ECT2: variants seen among roughly 807,000 people sequenced by gnomAD.
ECT2 encodes the protein epithelial cell transforming 2.
In ECT2, 61 loss-of-function variants were observed where a neutral mutation model predicts 116.9. The observed-to-expected ratio is 0.52, with a 90% confidence interval of 0.42 to 0.65. The LOEUF (loss-of-function observed/expected upper bound fraction) is 0.65. ECT2 is among the 30% of genes least tolerant of loss of function. The pLI, the probability that ECT2 is intolerant of heterozygous loss-of-function variation, is 0.00. For missense variants in ECT2, 937 were observed against 1,078.7 expected, an observed-to-expected ratio of 0.87 and a Z score of 1.84; for synonymous variants, 358 against 346.4, an observed-to-expected ratio of 1.03 and a Z score of -0.37.
intron 12 of ECT2, among the ~76,000 whole-genome samples, chr3:172,766,055 A>G (rs1316135719): frequency 6.6e-6 from 1 of 152,238 alleles, no homozygotes; most frequent in Non-Finnish European, 1.5e-5. Flanking sequence ...TGCTTCAAAT[A>G]AGTAATCTTT....
intron 18 of ECT2, 123 bp from the exon 19 acceptor site, chr3:172,802,493 A>G (rs1476356900): frequency 1.7e-6 from 1 of 605,366 alleles, no homozygotes; most frequent in Non-Finnish European, 2.8e-6. Context: ...CTTTTAAGGA[A>G]TATTTTAACT....
At chr3:172,768,916 GT>G in intron 12 of ECT2, 90 bp from the exon 13 acceptor site, 1 of 1,385,220 alleles carries the variant, frequency 7.2e-7, no homozygotes, top group Non-Finnish European at 9.7e-7. Context: ...ATAAGAGTAG[GT>G]TTTCTCTCCT....
In ECT2 at chr3:172,805,775, T is replaced by C; in HGVS notation, c.2151T>C (p.Pro717=). Residue 717 remains proline, a synonymous_variant, in exon 21 of 25, where the codon CCT becomes CCC. Transcript: ENST00000392692. ...AGGTTATTGGCACTTTTAGGAGTCC[T>C]CATGGCCAAACCCGACCCCCAGCTT... ...RHKVIGTFRS[P]HGQTRPPASL... is the part of the protein sequence containing the mutation. The C allele has an allele frequency of 5.0e-6, 8 of 1,613,922 alleles. No individual in the cohort carries two copies. The highest frequency in any genetic ancestry group is 5.9e-6 in the Non-Finnish European group (7 of 1,179,882).
In ECT2 at chr3:172,786,532, G is replaced by A. The variant is rs565477429; in HGVS notation, c.1865G>A (p.Ser622Asn). ...KHTADENPDKSTLEKAIGSLK... is the reference protein window; with the variant it reads ...KHTADENPDKNTLEKAIGSLK... The stretch of plus-strand genomic sequence containing the variant: ...ACAGCTGATGAAAATCCAGACAAAA[G>A]CACTTTAGAAAAAGCTATTGGATCA... Residue 622 changes from serine (S) to asparagine (N), a missense_variant, in exon 18 of 25, where the codon AGC (serine) becomes AAC (asparagine). By Grantham distance (46) the Ser-to-Asn change is conservative. Transcript: ENST00000392692. The A allele has an allele frequency of 6.8e-6, 11 of 1,611,078 alleles. No homozygotes were observed. The African/African-American group carries it at 1.2e-4, about 18-fold the overall frequency.
In ECT2 at chr3:172,755,333, C is replaced by A; in HGVS notation, c.169C>A (p.Gln57Lys). 6.2e-7 allele frequency: 1 copy of A among 1,605,270 alleles called. No individual in the cohort carries two copies. Among genetic ancestry groups the A allele is most frequent in the South Asian group, 1.1e-5 (1 of 88,700 alleles). The stretch of plus-strand genomic sequence containing the variant: ...GATTGAAACAAGAGTGATATTGGTT[C>A]AAGAAGCTGGAAAACAAGAAGAACT... ...PQIETRVILV[Q>K]EAGKQEELIK... Residue 57 changes from glutamine to lysine, a missense_variant, in exon 3 of 25, where the codon CAA (glutamine) becomes AAA (lysine). Gln to Lys is a moderately conservative substitution (Grantham distance 53). Transcript: ENST00000392692.
chr3:172,785,517 TAA>T (rs200910980), intron 17 of ECT2, among the ~76,000 whole-genome samples: 1 of 133,618 alleles, frequency 7.5e-6, no homozygotes, highest in Non-Finnish European at 1.6e-5. Flanking sequence ...TAAAAATAAT[TAA>T]AAAAAAAAAA....
intron 14 of ECT2, among the ~76,000 whole-genome samples, chr3:172,777,975 A>T (rs1722038956): frequency 6.6e-6 from 1 of 152,190 alleles, no homozygotes; most frequent in African/African-American, 2.4e-5. Context: ...ATCTGTTGTT[A>T]TTTTAGCGTA....
chr3:172,798,967 T>G (rs1726231218), intron 18 of ECT2, among the ~76,000 whole-genome samples: 1 of 152,204 alleles, frequency 6.6e-6, no homozygotes, highest in Non-Finnish European at 1.5e-5. Context: ...CCCAGGAACC[T>G]TAAGACTGTA....
chr3:172,815,795 TATAAAG>T, intron 23 of ECT2, 84 bp downstream of exon 23: 2 of 863,428 alleles, frequency 2.3e-6, no homozygotes, highest in Non-Finnish European at 3.7e-6. Flanking sequence ...CAAACACCAG[TATAAAG>T]ATAGTTTATA....
chr3:172,797,311 A>G lies in ECT2; in HGVS notation c.1908-5305A>G, dbSNP rs78020338. 7.0e-3 allele frequency among the ~76,000 whole-genome samples: 1,071 copies of G among 152,168 alleles called. 3 individuals are homozygous for G. Among genetic ancestry groups the G allele is most frequent in the Non-Finnish European group, 0.012 (790 of 67,994 alleles). On this transcript the variant is annotated intron_variant, in intron 18 of 24. Coordinates refer to ENST00000392692, the MANE Select transcript of ECT2 (RefSeq NM_001258315.2). ...AGGTCTCCCAAAGTGCTGGGATTAC[A>G]AATGTAAGCCACCATGCCCTGCGGG... is the stretch of plus-strand genomic sequence containing the variant.
At chr3:172,756,150 C>G (rs192383971) in intron 4 of ECT2, among the ~76,000 whole-genome samples, 1 of 152,160 alleles carries the variant, frequency 6.6e-6, no homozygotes, top group Non-Finnish European at 1.5e-5. Flanking sequence ...AAGTCCTTAT[C>G]GCCAAATATA....
At chr3:172,828,334 C>CTGTGTG in the ECT2 span, among the ~76,000 whole-genome samples, 413 of 150,222 alleles carry the variant, frequency 2.7e-3, 2 homozygotes, top group African/African-American at 8.6e-3. Context: ...TACCAACAGG[C>CTGTGTG]TGTGTGTGTG....
intron 17 of ECT2, among the ~76,000 whole-genome samples, chr3:172,785,122 G>A (rs77910196): frequency 0.032 from 4,826 of 152,140 alleles, 163 homozygotes; most frequent in East Asian, 0.16. Context: ...AAAATCACAA[G>A]GAGAAGATAA....
chr3:172,820,065 A>G (rs1051407264), intron 24 of ECT2, 83 bp from the exon 25 acceptor site: 26 of 919,398 alleles, frequency 2.8e-5, no homozygotes, highest in Non-Finnish European at 2.1e-5. Flanking sequence ...AAATGTAAAA[A>G]TAATAGGCAT....
intron 16 of ECT2, among the ~76,000 whole-genome samples, 180 bp from the exon 17 acceptor site, chr3:172,784,527 C>G (rs1723271769): frequency 1.3e-5 from 2 of 151,994 alleles, no homozygotes; most frequent in Non-Finnish European, 2.9e-5. Flanking sequence ...ACTGGCTGGC[C>G]AAGAGGACAT....
chr3:172,784,703 T>A lies in ECT2; in HGVS notation c.1729-4T>A, dbSNP rs759332097. 6.2e-7 allele frequency: 1 copy of A among 1,612,284 alleles called. No individual in the cohort carries two copies. The highest frequency in any genetic ancestry group is 8.5e-7 in the Non-Finnish European group (1 of 1,178,394). ...TTTGAAATTGTTGAATAAATTGTTT[T>A]CAGATAAACCAAGCAAAACCAGAAT... On this transcript the variant is annotated splice_region_variant and splice_polypyrimidine_tract_variant and intron_variant, in intron 16 of 24. Coordinates refer to ENST00000392692, the MANE Select transcript of ECT2 (RefSeq NM_001258315.2).
intron 8 of ECT2, 50 bp from the exon 9 acceptor site, chr3:172,762,366 C>T (rs1395145140): frequency 1.3e-6 from 2 of 1,527,516 alleles, no homozygotes; most frequent in Non-Finnish European, 8.8e-7. Flanking sequence ...ATATACCTAA[C>T]ACTTGAATTT....
At chr3:172,826,209 A>G (rs906914966), downstream of ECT2, among the ~76,000 whole-genome samples, 4 of 152,302 alleles carry the variant, frequency 2.6e-5, no homozygotes, top group East Asian at 3.9e-4. Context: ...TAAGACTTTC[A>G]TAGCTAGACA....
chr3:172,780,080 T>A (rs894452643), intron 14 of ECT2, among the ~76,000 whole-genome samples: 2 of 152,150 alleles, frequency 1.3e-5, no homozygotes, highest in Non-Finnish European at 2.9e-5. Flanking sequence ...GTACTTTCTG[T>A]ATCTATGATT....
Sources: gnomAD v4.1 joint callset for allele counts (sites outside exome capture counted in the v4.1 genomes callset) on GRCh38, gnomAD v4.1.1 for gene constraint, MANE v1.5 for transcripts, NCBI Gene and HGNC (gene_info 2026-07-23, HGNC 2026-07-21) for gene names.